The following BCL9 variants were observed in gnomAD, a reference collection of about 807,000 sequenced individuals.
The protein encoded by BCL9 is BCL9 transcription coactivator.
Under a neutral mutation model 88.5 loss-of-function variants are expected in BCL9, and 25 were observed. The ratio of observed to expected loss-of-function variants is 0.28; its 90% CI spans 0.21 to 0.39. The LOEUF is 0.39. BCL9 is among the 10% of genes least tolerant of loss of function. The pLI is 1.00. For missense variants in BCL9, 1,817 were observed against 1,877.8 expected (o/e 0.97, Z 0.60); for synonymous variants, 711 against 673.3 (o/e 1.06, Z -0.87).
At chr1:147,567,899 G>A (rs926403272) in intron 1 of BCL9, among the ~76,000 whole-genome samples, 3 of 152,062 alleles carry the variant, frequency 2.0e-5, no homozygotes, top group African/African-American at 7.2e-5. Context: ...TATTGCTGGC[G>A]ATCTATTTCA....
chr1:147,599,806 G>A (rs1553200954), intron 1 of BCL9, among the ~76,000 whole-genome samples: 1 of 151,716 alleles, frequency 6.6e-6, no homozygotes, highest in African/African-American at 2.4e-5. Flanking sequence ...GCGGCTGCCT[G>A]GTGGGCAGGG....
At chr1:147,566,807 T>C (rs1273230309) in intron 1 of BCL9, among the ~76,000 whole-genome samples, 2 of 152,060 alleles carry the variant, frequency 1.3e-5, no homozygotes, top group South Asian at 2.1e-4. Flanking sequence ...TAAAGTTTCA[T>C]TGGCTTTTGT....
In BCL9 at chr1:147,619,603, AGAG is replaced by A. The variant is rs782097673; in HGVS notation, c.1454_1456del (p.Arg485del). ...CTGCAGCAGGAGTTTTATGAAGAGA[AGAG>A]GAGGAAGCAGGAACAAGTGGTTGTC... On this transcript the variant is annotated inframe_deletion, in exon 8 of 10. Coordinates refer to ENST00000234739, the MANE Select transcript of BCL9 (RefSeq NM_004326.4). This position sits in a 1 kb window ranked among gnomAD's most constrained non-coding sequence, Gnocchi z 4.1. 3.1e-6 allele frequency: 5 copies of A among 1,613,924 alleles called. No homozygotes were observed. Among genetic ancestry groups the A allele is most frequent in the South Asian group, 2.2e-5 (2 of 91,076 alleles).
intron 1 of BCL9, among the ~76,000 whole-genome samples, chr1:147,587,279 A>G (rs1387486580): frequency 6.6e-6 from 1 of 151,900 alleles, no homozygotes; most frequent in Non-Finnish European, 1.5e-5. Context: ...TTTAATTTGA[A>G]CACTAGGCAG....
intron 1 of BCL9, among the ~76,000 whole-genome samples, chr1:147,587,756 C>CTGTGTGTGTGTGTG (rs3045400): frequency 5.6e-5 from 8 of 141,802 alleles, no homozygotes; most frequent in African/African-American, 2.0e-4. Flanking sequence ...GTAGTGAGGC[C>CTGTGTGTGTGTGTG]TGTGTGTGTG....
At chr1:147,590,404 G>A (rs1423558620) in intron 1 of BCL9, among the ~76,000 whole-genome samples, 6 of 152,116 alleles carry the variant, frequency 3.9e-5, no homozygotes, top group African/African-American at 1.4e-4. Flanking sequence ...TGCCCTACCT[G>A]GATCTGCATC....
intron 3 of BCL9, among the ~76,000 whole-genome samples, chr1:147,607,868 A>T (rs1418085748): frequency 6.6e-6 from 1 of 152,168 alleles, no homozygotes; most frequent in Non-Finnish European, 1.5e-5. Flanking sequence ...AAGCAGGTAG[A>T]TGTGTATACA....
rs1332765031 is a variant in BCL9 at position 147,550,037 on chromosome 1, AT to A, written c.-478+8367del. On this transcript the variant is annotated intron_variant, in intron 1 of 9. Transcript: ENST00000234739. ...CTTTCCTTACATTCTTTCAGCTGCA[AT>A]TTTCCCTGATAATTGCTTCCTTCTC... 3.3e-5 allele frequency among the ~76,000 whole-genome samples: 5 copies of A among 151,840 alleles called. No homozygotes were observed. In the East Asian group the frequency reaches 5.8e-4, roughly 18 times the overall value.
intron 3 of BCL9, among the ~76,000 whole-genome samples, chr1:147,611,329 C>G (rs1207054132): frequency 1.3e-5 from 2 of 152,198 alleles, no homozygotes; most frequent in African/African-American, 4.8e-5. Context: ...CCTGCTCACC[C>G]TTGCCTGGTC....
chr1:147,545,521 T>C (rs1654525750), intron 1 of BCL9, among the ~76,000 whole-genome samples: 1 of 152,192 alleles, frequency 6.6e-6, no homozygotes, highest in Non-Finnish European at 1.5e-5. Context: ...CAGGTCATCT[T>C]TAACTCTGGG....
At position 147,619,793 on chromosome 1, in the gene BCL9, G is replaced by A. The variant is rs1553204760; in HGVS notation, c.1638G>A (p.Pro546=). 6 of 1,614,084 alleles carry A rather than the reference G, an allele frequency of 3.7e-6. No homozygotes were observed. Among genetic ancestry groups the A allele is most frequent in the East Asian group, 2.2e-5 (1 of 44,858 alleles). ...TCAACATGCCACATTCTCTGCCCCC[G>A]AGGGGCATGGCTCCCCACCCCAACA... ...DGINMPHSLP[P]RGMAPHPNMP... Residue 546 remains proline (P), a synonymous_variant, in exon 8 of 10, where the codon CCG becomes CCA. Transcript: ENST00000234739. This position sits in a 1 kb window ranked among gnomAD's most constrained non-coding sequence, Gnocchi z 4.1.
chr1:147,580,072 A>G (rs767859514), intron 1 of BCL9, among the ~76,000 whole-genome samples: 1 of 152,136 alleles, frequency 6.6e-6, no homozygotes, highest in African/African-American at 2.4e-5. Context: ...GATGTACAAC[A>G]TGTTTATTCA....
chr1:147,625,352 CTTTA>C lies in BCL9; in HGVS notation c.*397_*400del, dbSNP rs1553206444. On this transcript the variant is annotated 3_prime_UTR_variant, in exon 10 of 10. Coordinates refer to ENST00000234739, the MANE Select transcript of BCL9 (RefSeq NM_004326.4). ...TCTGTTTTTGTTTTTTTGATTTGGG[CTTTA>C]TTTTTTTCTGTGTACTGTACTATAT... The C allele has an allele frequency of 7.8e-6, 2 of 257,272 alleles. No homozygotes were observed. Among genetic ancestry groups the C allele is most frequent in the African/African-American group, 4.4e-5 (2 of 45,312 alleles). The allele number at this position is 257,272 out of a possible 1,614,324, so 15.9% of individuals were successfully genotyped here. A position where few individuals can be genotyped will look rare whatever the true frequency, so the allele number is the denominator to read the frequency against.
chr1:147,548,979 CTTTT>C (rs72473603), intron 1 of BCL9, among the ~76,000 whole-genome samples: 9 of 111,314 alleles, frequency 8.1e-5, no homozygotes, highest in African/African-American at 1.6e-4. Flanking sequence ...TTCTTTCTTT[CTTTT>C]TTTTTTTTTT....
At chr1:147,593,591 C>T (rs1656930773) in intron 1 of BCL9, among the ~76,000 whole-genome samples, 2 of 152,198 alleles carry the variant, frequency 1.3e-5, no homozygotes, top group African/African-American at 4.8e-5. Flanking sequence ...ATCCCAACAT[C>T]AGGGGAGTTA....
intron 1 of BCL9, among the ~76,000 whole-genome samples, chr1:147,549,908 T>G (rs587749062): frequency 2.0e-5 from 3 of 152,254 alleles, no homozygotes; most frequent in East Asian, 3.9e-4. Context: ...TCTCATAGGT[T>G]TTTAATTACA....
chr1:147,594,971 A>G (rs1656985021), intron 1 of BCL9, among the ~76,000 whole-genome samples: 2 of 152,240 alleles, frequency 1.3e-5, no homozygotes, highest in South Asian at 4.1e-4. Flanking sequence ...TAAGAAGCCA[A>G]TGGATGGGAG....
At chr1:147,596,358 A>T (rs1657047412) in intron 1 of BCL9, among the ~76,000 whole-genome samples, 1 of 151,454 alleles carries the variant, frequency 6.6e-6, no homozygotes, top group Admixed American at 6.6e-5. Context: ...TTATTACAGC[A>T]TTGGGGCACA....
In BCL9 at chr1:147,615,112, A is replaced by T. The variant is rs188317114; in HGVS notation, c.560+496A>T. ...TGCCTCAGCCTCCCAAAATGATGGGATTACAGGCATGAGCCACCGCGCCTG... is the reference window on the plus strand; with the variant it reads ...TGCCTCAGCCTCCCAAAATGATGGGTTTACAGGCATGAGCCACCGCGCCTG... On this transcript the variant is annotated intron_variant, in intron 6 of 9. Transcript: ENST00000234739. Among the ~76,000 whole-genome samples the T allele has an allele frequency of 5.5e-3, 834 of 152,280 alleles. 10 individuals carry two copies. Among genetic ancestry groups the T allele is most frequent in the African/African-American group, 0.019 (780 of 41,538 alleles).
Sources: allele counts gnomAD v4.1 joint callset (sites outside exome capture counted in the v4.1 genomes callset), GRCh38; gene constraint gnomAD v4.1.1; non-coding constraint Gnocchi (gnomAD v3.1); transcripts MANE v1.5; gene names NCBI Gene and HGNC (gene_info 2026-07-23, HGNC 2026-07-21).